The following FAM50B variants were observed in gnomAD, a reference collection of about 807,000 sequenced individuals.
FAM50B encodes the protein protein FAM50B.
Under a neutral mutation model 25.4 loss-of-function variants are expected in FAM50B, and 9 were observed. The observed-to-expected ratio is 0.35, with a 90% CI of 0.21 to 0.62. The LOEUF (loss-of-function observed/expected upper bound fraction) is 0.62. FAM50B is among the 20% of genes least tolerant of loss of function. FAM50B has a pLI of 0.73. For missense variants in FAM50B, 372 were observed against 477.9 expected (o/e 0.78, Z 2.07); for synonymous variants, 212 against 204.3 (o/e 1.04, Z -0.32).
At chr6:3,836,936 C>T in the FAM50B span, among the ~76,000 whole-genome samples, 2 of 152,108 alleles carry the variant, frequency 1.3e-5, no homozygotes, top group African/African-American at 4.8e-5. Flanking sequence ...ACCATAGATT[C>T]GCATTATCAA....
At position 3,850,496 on chromosome 6, in the gene FAM50B, T is replaced by C. The variant is rs80012120; in HGVS notation, c.685T>C (p.Ser229Pro). Reference sequence around the variant, plus strand: ...GCGCAAGGACTTCCTGGAGCTGCGCTCCGCCGGCGTGGAGCAGCTCATGTT... The same window carrying C: ...GCGCAAGGACTTCCTGGAGCTGCGCCCCGCCGGCGTGGAGCAGCTCATGTT... Reference protein sequence around the residue: ...GLRKDFLELRSAGVEQLMFIK... With the variant: ...GLRKDFLELRPAGVEQLMFIK... Residue 229 changes from serine (S) to proline (P), a missense_variant, in exon 2 of 2, where the codon TCC (serine) becomes CCC (proline). Physicochemically the swap from Ser to Pro is moderately conservative, Grantham distance 74 (BLOSUM62 -1). Transcript: ENST00000648326. 1.2e-6 allele frequency: 2 copies of C among 1,613,486 alleles called. No individual in the cohort carries two copies. Among genetic ancestry groups the C allele is most frequent in the Admixed American group, 1.7e-5 (1 of 60,006 alleles).
the FAM50B span, among the ~76,000 whole-genome samples, chr6:3,844,252 T>C: frequency 6.6e-6 from 1 of 152,216 alleles, no homozygotes; most frequent in African/African-American, 2.4e-5. Flanking sequence ...CATTTTTTTC[T>C]AAATTAGTTT....
At chr6:3,839,225 G>C in the FAM50B span, among the ~76,000 whole-genome samples, 10 of 151,832 alleles carry the variant, frequency 6.6e-5, no homozygotes, top group South Asian at 2.1e-3. Context: ...ATGGTGAGGG[G>C]GGACGCAAAA....
the FAM50B span, among the ~76,000 whole-genome samples, chr6:3,843,720 A>G: frequency 8.5e-3 from 1,294 of 152,338 alleles, 25 homozygotes; most frequent in African/African-American, 0.03. Context: ...CACCAAGCAA[A>G]GGTTGGAAGA....
chr6:3,849,742 T>C, intron 1 of FAM50B, 47 bp from the exon 2 acceptor site: 1 of 1,504,766 alleles, frequency 6.6e-7, no homozygotes, highest in Admixed American at 2.0e-5. Context: ...TTCCCCGCCG[T>C]TGCGTGGGCC....
At chr6:3,846,648 T>C (rs574054052), upstream of FAM50B, among the ~76,000 whole-genome samples, 86 of 152,334 alleles carry the variant, frequency 5.6e-4, no homozygotes, top group Non-Finnish European at 1.0e-3. Context: ...TCTTCCAAAC[T>C]TCTGTTAATG....
At chr6:3,842,669 T>A in the FAM50B span, among the ~76,000 whole-genome samples, 1 of 152,328 alleles carries the variant, frequency 6.6e-6, no homozygotes, top group East Asian at 1.9e-4. Context: ...TCTCTCCCTA[T>A]CTGCCCTTCT....
At chr6:3,849,573 G>C (rs1029975587) in intron 1 of FAM50B, 87 bp downstream of exon 1, 17 of 623,758 alleles carry the variant, frequency 2.7e-5, no homozygotes, top group Middle Eastern at 4.5e-4. Flanking sequence ...CACCCGTTAC[G>C]TGGGGCCGTT....
intron 1 of FAM50B, 81 bp from the exon 2 acceptor site, chr6:3,849,706 CCT>C (rs1299823076): frequency 1.7e-5 from 25 of 1,445,726 alleles, no homozygotes; most frequent in Non-Finnish European, 2.3e-5. Flanking sequence ...TGCCGAAAGC[CCT>C]GTGAGGAGGC....
Position 3,850,316 on chromosome 6 carries a change from C to T in FAM50B, c.505C>T (p.Leu169=), listed in dbSNP as rs757488297. The change falls in exon 2 of 2, where the codon CTG becomes TTG. Residue 169 remains leucine, a synonymous_variant. Transcript: ENST00000648326. ...GGAGGAGAACCGGCTCCGAGAGGAG[C>T]TGCGCCAAGAGTGGGAGGCGCAGCG... ...EEEENRLREE[L]RQEWEAQREK... The T allele has an allele frequency of 6.2e-7, 1 of 1,612,608 alleles. No individual in the cohort carries two copies. Among genetic ancestry groups the T allele is most frequent in the Middle Eastern group, 1.7e-4 (1 of 6,060 alleles).
the FAM50B span, among the ~76,000 whole-genome samples, chr6:3,840,753 C>T: frequency 1.4e-3 from 219 of 152,230 alleles, 2 homozygotes; most frequent in African/African-American, 4.9e-3. Context: ...CTGAACAGCA[C>T]CTTTGAAATC....
chr6:3,839,341 C>T, the FAM50B span, among the ~76,000 whole-genome samples: 1 of 152,104 alleles, frequency 6.6e-6, no homozygotes, highest in Non-Finnish European at 1.5e-5. Flanking sequence ...TTCATCTATT[C>T]GTGAGGGATC....
chr6:3,838,418 G>A, the FAM50B span, among the ~76,000 whole-genome samples: 23 of 152,082 alleles, frequency 1.5e-4, no homozygotes, highest in Non-Finnish European at 3.1e-4. Flanking sequence ...GCAACAAAAC[G>A]GCATGAACTG....
chr6:3,835,478 AC>A, the FAM50B span, among the ~76,000 whole-genome samples: 1 of 152,096 alleles, frequency 6.6e-6, no homozygotes. Context: ...CCCATTATGA[AC>A]AGCTAAAGTC....
chr6:3,848,752 A>G (rs1454338708), upstream of FAM50B, among the ~76,000 whole-genome samples: 1 of 152,196 alleles, frequency 6.6e-6, no homozygotes, highest in East Asian at 1.9e-4. Flanking sequence ...AGACACTGCT[A>G]CACTTTAACT....
At chr6:3,837,772 G>T in the FAM50B span, among the ~76,000 whole-genome samples, 1 of 145,022 alleles carries the variant, frequency 6.9e-6, no homozygotes, top group African/African-American at 2.5e-5. Context: ...GGCCACAAGA[G>T]AGAGCTGAAC....
the FAM50B span, among the ~76,000 whole-genome samples, chr6:3,841,797 G>T: frequency 6.6e-6 from 1 of 152,312 alleles, no homozygotes; most frequent in Non-Finnish European, 1.5e-5. Flanking sequence ...CCTCAGGGTG[G>T]CCTCCCTCTA....
In FAM50B at chr6:3,850,857, ACTTGATTTCGTGAC is replaced by A; in HGVS notation, c.*78_*91del. On this transcript the variant is annotated 3_prime_UTR_variant, in exon 2 of 2. Transcript: ENST00000648326. ...TCATTTCTAGGCCCCATCACCAGTCACTTGATTTCGTGACCTTGATTTCTTCCCCCAAATTTAAT... is the reference window on the plus strand; with the variant it reads ...TCATTTCTAGGCCCCATCACCAGTCACTTGATTTCTTCCCCCAAATTTAAT... 2 of 1,554,656 alleles carry A rather than the reference ACTTGATTTCGTGAC, an allele frequency of 1.3e-6. No individual in the cohort carries two copies. Among genetic ancestry groups the A allele is most frequent in the Non-Finnish European group, 1.7e-6 (2 of 1,151,378 alleles).
At chr6:3,838,436 A>G in the FAM50B span, among the ~76,000 whole-genome samples, 1 of 152,270 alleles carries the variant, frequency 6.6e-6, no homozygotes, top group African/African-American at 2.4e-5. Flanking sequence ...CTGGCCTGGC[A>G]TGGTGGCTCA....
Sources: gnomAD v4.1 joint callset for allele counts (sites outside exome capture counted in the v4.1 genomes callset) on GRCh38, gnomAD v4.1.1 for gene constraint, MANE v1.5 for transcripts, NCBI Gene and HGNC (gene_info 2026-07-23, HGNC 2026-07-21) for gene names.